Variants in SYT1 observed in about 807,000 individuals in gnomAD.
The protein encoded by SYT1 is synaptotagmin-1.
Under a neutral mutation model 44.8 loss-of-function variants are expected in SYT1, and 8 were observed. That is an observed-to-expected ratio of 0.18 (90% confidence interval 0.10 to 0.32). SYT1 has a LOEUF of 0.32. Among genes scored for constraint, SYT1 ranks in the 10% least tolerant of loss-of-function variants. The pLI is 1.00. For synonymous variants in SYT1, 154 were observed against 188.8 expected (o/e 0.82, Z 1.51); for missense variants, 286 against 509.3 (o/e 0.56, Z 4.22).
chr12:78,895,153 G>A (rs1875288661), intron 1 of SYT1, among the ~76,000 whole-genome samples: 2 of 151,498 alleles, frequency 1.3e-5, no homozygotes, highest in Non-Finnish European at 3.0e-5. Flanking sequence ...AAAATACTTA[G>A]AAAATAAATA....
chr12:79,031,545 A>G (rs1360268588), intron 2 of SYT1, among the ~76,000 whole-genome samples: 1 of 151,052 alleles, frequency 6.6e-6, no homozygotes, highest in Non-Finnish European at 1.5e-5. Context: ...TCCCTAAATC[A>G]CCAAATCCAT....
At chr12:79,340,561 T>C (rs1372308501) in intron 8 of SYT1, among the ~76,000 whole-genome samples, 1 of 152,174 alleles carries the variant, frequency 6.6e-6, no homozygotes, top group Non-Finnish European at 1.5e-5. Context: ...CTTAAGGAGA[T>C]TTTGGGCTGA....
chr12:79,239,553 G>A (rs183507956), intron 4 of SYT1, among the ~76,000 whole-genome samples: 77 of 152,326 alleles, frequency 5.1e-4, no homozygotes, highest in Middle Eastern at 3.4e-3. Context: ...TGAGGTATAT[G>A]AGAAATCTCT....
rs1468211239 is a variant in SYT1 at position 78,973,925 on chromosome 12, AAAAAAAAAAAAAAATATATATATAT to A, written c.-216-3872_-216-3848del. 8.7e-4 allele frequency among the ~76,000 whole-genome samples: 27 copies of A among 31,202 alleles called. 1 individual carries two copies. The highest frequency in any genetic ancestry group is 3.0e-3 in the African/African-American group (25 of 8,444). The allele number at this position is 31,202 out of a possible 152,430, so 20.5% of individuals were successfully genotyped here. A position where few individuals can be genotyped will look rare whatever the true frequency, so the allele number is the denominator to read the frequency against. ...AGGAAGAGACGAACACCAAAAAAAA[AAAAAAAAAAAAAAATATATATATAT>A]ATATATATATATATATATATATATA... On this transcript the variant is annotated intron_variant, in intron 1 of 10. Coordinates refer to ENST00000261205, the MANE Select transcript of SYT1 (RefSeq NM_005639.3).
chr12:79,363,378 T>C (rs990247778), intron 9 of SYT1, among the ~76,000 whole-genome samples: 2 of 151,964 alleles, frequency 1.3e-5, no homozygotes, highest in Non-Finnish European at 2.9e-5. Flanking sequence ...GTTTTGAGTC[T>C]CAAACACTAT....
At chr12:79,264,998 T>C (rs1411594471) in intron 4 of SYT1, among the ~76,000 whole-genome samples, 1 of 152,216 alleles carries the variant, frequency 6.6e-6, no homozygotes, top group East Asian at 1.9e-4. Flanking sequence ...ACGGTTGTAT[T>C]ATACATGTAA....
intron 3 of SYT1, among the ~76,000 whole-genome samples, chr12:79,202,751 T>TAGA: frequency 6.6e-6 from 1 of 152,264 alleles, no homozygotes; most frequent in Admixed American, 6.5e-5. Flanking sequence ...CACTAAAAGG[T>TAGA]AGAACATTCA....
chr12:78,971,638 T>A (rs1487555917), intron 1 of SYT1, among the ~76,000 whole-genome samples: 1 of 152,188 alleles, frequency 6.6e-6, no homozygotes, highest in Non-Finnish European at 1.5e-5. Context: ...ATTTTATTTT[T>A]AATAATGAAG....
chr12:79,184,141 G>A (rs1391890875), intron 3 of SYT1, among the ~76,000 whole-genome samples: 1 of 151,996 alleles, frequency 6.6e-6, no homozygotes, highest in East Asian at 1.9e-4. Context: ...AATAGAAAGA[G>A]GAAGTGAGTC....
intron 1 of SYT1, among the ~76,000 whole-genome samples, chr12:78,969,251 G>A (rs1347640969): frequency 1.3e-5 from 2 of 152,278 alleles, no homozygotes; most frequent in South Asian, 4.1e-4. Flanking sequence ...GTCTTGAATA[G>A]CCAAAGATTT....
chr12:79,173,172 G>A (rs1424419182), intron 3 of SYT1, among the ~76,000 whole-genome samples: 1 of 151,800 alleles, frequency 6.6e-6, no homozygotes, highest in Non-Finnish European at 1.5e-5. Context: ...CAGGATAGTA[G>A]CTTTTTGCAT....
At chr12:79,386,017 ATT>A (rs1309670310) in intron 9 of SYT1, among the ~76,000 whole-genome samples, 4 of 152,196 alleles carry the variant, frequency 2.6e-5, no homozygotes, top group Non-Finnish European at 4.4e-5. Flanking sequence ...GGTGAATATC[ATT>A]GCTGCAGTCT....
chr12:78,993,126 G>A (rs1406193456), intron 2 of SYT1, among the ~76,000 whole-genome samples: 1 of 152,130 alleles, frequency 6.6e-6, no homozygotes, highest in Non-Finnish European at 1.5e-5. Context: ...CTTAAAGCCT[G>A]TATTATGTTT....
intron 3 of SYT1, among the ~76,000 whole-genome samples, chr12:79,141,729 C>T (rs571181985): frequency 1.3e-5 from 2 of 152,248 alleles, no homozygotes; most frequent in East Asian, 3.9e-4. Context: ...CAGACATATT[C>T]CACTTGTCAT....
intron 1 of SYT1, among the ~76,000 whole-genome samples, chr12:78,910,757 A>C (rs1002487560): frequency 6.6e-6 from 1 of 152,156 alleles, no homozygotes; most frequent in East Asian, 1.9e-4. Flanking sequence ...GAGAGCTCAT[A>C]GTAAGGAAAC....
chr12:79,350,765 T>A (rs1195638115), intron 8 of SYT1, among the ~76,000 whole-genome samples: 1 of 152,160 alleles, frequency 6.6e-6, no homozygotes, highest in Non-Finnish European at 1.5e-5. Flanking sequence ...GGAAAGCATA[T>A]ACTTAAACCT....
At chr12:78,892,357 CA>C (rs1322688982) in intron 1 of SYT1, among the ~76,000 whole-genome samples, 1 of 151,680 alleles carries the variant, frequency 6.6e-6, no homozygotes, top group African/African-American at 2.4e-5. Flanking sequence ...TAATACTACT[CA>C]GAAATTAGCT....
At chr12:79,381,931 T>C (rs1884239533) in intron 9 of SYT1, among the ~76,000 whole-genome samples, 2 of 152,160 alleles carry the variant, frequency 1.3e-5, no homozygotes, top group African/African-American at 4.8e-5. Flanking sequence ...CAGAGGGGCG[T>C]CTATCTGGCT....
At chr12:78,946,263 T>G (rs1316557216) in intron 1 of SYT1, among the ~76,000 whole-genome samples, 1 of 152,206 alleles carries the variant, frequency 6.6e-6, no homozygotes, top group Non-Finnish European at 1.5e-5. Context: ...ATCTGGTGAA[T>G]GCCAGGTGTC....
Sources: gnomAD v4.1 joint callset for allele counts (sites outside exome capture counted in the v4.1 genomes callset) on GRCh38, gnomAD v4.1.1 for gene constraint, MANE v1.5 for transcripts, NCBI Gene and HGNC (gene_info 2026-07-23, HGNC 2026-07-21) for gene names.